The following SMAD4 variants were observed in gnomAD, a reference collection of about 807,000 sequenced individuals.
The protein encoded by SMAD4 is MAD homolog 4.
A neutral mutation model predicts 63.2 loss-of-function variants in SMAD4; 7 were observed. The ratio of observed to expected loss-of-function variants is 0.11; its 90% confidence interval spans 0.06 to 0.21. The LOEUF is 0.21. Among genes scored for constraint, SMAD4 ranks in the 10% least tolerant of loss-of-function variants. The probability of loss-of-function intolerance (pLI) is 1.00; values close to 1 mark genes in which losing one functional copy is unlikely to be tolerated. For synonymous variants in SMAD4, 215 were observed against 235.4 expected, an observed-to-expected ratio of 0.91 and a Z score of 0.79; for missense variants, 312 against 693.8, an observed-to-expected ratio of 0.45 and a Z score of 6.18.
At chr18:51,074,908 A>G (rs1340990722) in intron 10 of SMAD4, among the ~76,000 whole-genome samples, 3 of 151,664 alleles carry the variant, frequency 2.0e-5, no homozygotes, top group African/African-American at 7.3e-5. Context: ...TTTTTTGTGG[A>G]GTTGGGGTCT....
intron 10 of SMAD4, among the ~76,000 whole-genome samples, chr18:51,071,662 G>A (rs1910321132): frequency 6.6e-6 from 1 of 151,942 alleles, no homozygotes; most frequent in Non-Finnish European, 1.5e-5. Flanking sequence ...CATTTAAATT[G>A]GACAATTCAA....
At position 51,079,716 on chromosome 18, in the gene SMAD4, C is replaced by T. The variant is rs1910562720; in HGVS notation, c.*1249C>T. On this transcript the variant is annotated 3_prime_UTR_variant, in exon 12 of 12. Transcript: ENST00000342988. ...AGTTGCAGATGTATTGACTGTACCA[C>T]AGACACAATATGTATGCTTTTTACC... 4.3e-6 allele frequency: 1 copy of T among 233,284 alleles called. No individual in the cohort carries two copies. 14.5% of individuals were successfully genotyped at this position (233,284 alleles called of 1,614,324 possible).
At chr18:51,031,284 T>A (rs1181239124) in intron 1 of SMAD4, among the ~76,000 whole-genome samples, 1 of 152,182 alleles carries the variant, frequency 6.6e-6, no homozygotes, top group Non-Finnish European at 1.5e-5. Flanking sequence ...GGGCGGTGGC[T>A]CCATCACTTG....
rs760239719 is a variant in SMAD4 at position 51,080,517 on chromosome 18, C to A, written c.*2050C>A. The A allele has an allele frequency of 4.6e-6, 1 of 216,450 alleles. No individual in the cohort carries two copies. Among genetic ancestry groups the A allele is most frequent in the Admixed American group, 5.8e-5 (1 of 17,168 alleles). 13.4% of individuals were successfully genotyped at this position (216,450 alleles called of 1,614,324 possible). A position where few individuals can be genotyped will look rare whatever the true frequency, so the allele number is the denominator to read the frequency against. ...AAAAATCCAGATGATTTGATTAAAA[C>A]CTTAATCATACATTGACATAATTCA... On this transcript the variant is annotated 3_prime_UTR_variant, in exon 12 of 12. Coordinates refer to ENST00000342988, the MANE Select transcript of SMAD4 (RefSeq NM_005359.6).
chr18:51,062,843 C>G, intron 8 of SMAD4, among the ~76,000 whole-genome samples: 1 of 122,902 alleles, frequency 8.1e-6, no homozygotes, highest in East Asian at 2.5e-4. Flanking sequence ...AGTAATCTGG[C>G]TTTACTTGTT....
At chr18:51,053,565 C>T (rs553482208) in intron 4 of SMAD4, 3 of 152,068 alleles carry the variant, frequency 2.0e-5, no homozygotes, top group Non-Finnish European at 4.4e-5. Context: ...AGAATATCAT[C>T]TTCATGACTT....
At position 51,059,958 on chromosome 18, in the gene SMAD4, T is replaced by A. The variant is rs758408803; in HGVS notation, c.955+42T>A. Reference sequence around the variant, plus strand: ...ATTGATTTCCTGTATTTAGATTGATTTAGTGGTGATTGAAACGCACAAACA... The same window carrying A: ...ATTGATTTCCTGTATTTAGATTGATATAGTGGTGATTGAAACGCACAAACA... On this transcript the variant is annotated intron_variant, in intron 8 of 11. Coordinates refer to ENST00000342988, the MANE Select transcript of SMAD4 (RefSeq NM_005359.6). 6.3e-5 allele frequency: 93 copies of A among 1,465,456 alleles called. No individual in the cohort carries two copies. The East Asian group carries it at 2.1e-3, about 33-fold the overall frequency. The allele number at this position is 1,465,456 out of a possible 1,614,324, so 90.8% of individuals were successfully genotyped here.
At chr18:51,035,727 A>G (rs1207304620) in intron 1 of SMAD4, among the ~76,000 whole-genome samples, 4 of 152,192 alleles carry the variant, frequency 2.6e-5, no homozygotes, top group Non-Finnish European at 5.9e-5. Flanking sequence ...GTACTTCTGT[A>G]GAGATCATCT....
chr18:51,061,706 T>C (rs1267096694), intron 8 of SMAD4, among the ~76,000 whole-genome samples: 1 of 152,228 alleles, frequency 6.6e-6, no homozygotes, highest in Non-Finnish European at 1.5e-5. Context: ...CTTCATTCTA[T>C]ATTATTTTGA....
chr18:51,036,879 C>T (rs565960325), intron 1 of SMAD4, among the ~76,000 whole-genome samples: 4 of 152,264 alleles, frequency 2.6e-5, no homozygotes, highest in East Asian at 3.9e-4. Flanking sequence ...GAAATGAGGC[C>T]GGGTGCGGTG....
intron 8 of SMAD4, among the ~76,000 whole-genome samples, chr18:51,065,153 T>C (rs1475236641): frequency 6.6e-6 from 1 of 152,160 alleles, no homozygotes; most frequent in Non-Finnish European, 1.5e-5. Flanking sequence ...AAAATGACTT[T>C]TAGAACTTGA....
intron 10 of SMAD4, among the ~76,000 whole-genome samples, chr18:51,075,648 C>T (rs1264229254): frequency 6.6e-6 from 1 of 151,952 alleles, no homozygotes; most frequent in Non-Finnish European, 1.5e-5. Context: ...GATTTATTAT[C>T]TGTAATTTGT....
intron 4 of SMAD4, chr18:51,054,257 A>G (rs1217222391): frequency 6.0e-6 from 1 of 165,396 alleles, no homozygotes; most frequent in Non-Finnish European, 1.3e-5. Context: ...CATTCAGTAC[A>G]CTTCATTTTT....
chr18:51,035,465 C>T (rs1003986684), intron 1 of SMAD4, among the ~76,000 whole-genome samples: 4 of 151,936 alleles, frequency 2.6e-5, no homozygotes, highest in African/African-American at 9.7e-5. Context: ...TCACTTGAGC[C>T]CAGGATTTCA....
At position 51,046,976 on chromosome 18, in the gene SMAD4, C is replaced by A. The variant is rs2144399685; in HGVS notation, c.-71C>A. The A allele has an allele frequency of 1.4e-6, 2 of 1,437,686 alleles. No individual in the cohort carries two copies. The highest frequency in any genetic ancestry group is 2.0e-6 in the Non-Finnish European group (2 of 1,024,118). The allele number at this position is 1,437,686 out of a possible 1,614,324, so 89.1% of individuals were successfully genotyped here. A position where few individuals can be genotyped will look rare whatever the true frequency, so the allele number is the denominator to read the frequency against. The stretch of plus-strand genomic sequence containing the variant: ...TTGCAACGTTAGCTGTTGTTTTTCA[C>A]TGTTTCCAAAGGATCAAAATTGCTT... On this transcript the variant is annotated 5_prime_UTR_variant, in exon 2 of 12. In the 5' UTR this introduces an upstream ATG that the reference lacks. Coordinates refer to ENST00000342988, the MANE Select transcript of SMAD4 (RefSeq NM_005359.6).
At chr18:51,060,030 C>A in intron 8 of SMAD4, 114 bp downstream of exon 8, 1 of 771,140 alleles carries the variant, frequency 1.3e-6, no homozygotes, top group Non-Finnish European at 2.3e-6. Context: ...GAGTACAATA[C>A]TCATCATGAC....
intron 1 of SMAD4, 55 bp downstream of exon 1, chr18:51,030,678 G>C (rs544505533): frequency 1.7e-4 from 26 of 150,640 alleles, no homozygotes; most frequent in African/African-American, 6.1e-4. Flanking sequence ...CACCCCGCCT[G>C]TGGCTTCCCC....
chr18:51,040,191 C>T (rs1909332486), intron 1 of SMAD4, among the ~76,000 whole-genome samples: 1 of 152,060 alleles, frequency 6.6e-6, no homozygotes, highest in African/African-American at 2.4e-5. Flanking sequence ...CTTTGGGAGG[C>T]CAAGGCGGGC....
rs764693044 is a variant in SMAD4, at chr18:51,078,916, CT to C, written c.*451del. ...GTACAAGTTGTTATTGTTGAACATA[CT>C]TCAAAAATAATGTGCCATGTGGGTG... is the stretch of plus-strand genomic sequence containing the variant. On this transcript the variant is annotated 3_prime_UTR_variant, in exon 12 of 12. Coordinates refer to ENST00000342988, the MANE Select transcript of SMAD4 (RefSeq NM_005359.6). The C allele has an allele frequency of 2.1e-5, 5 of 237,352 alleles. No individual in the cohort carries two copies. Among genetic ancestry groups the C allele is most frequent in the Non-Finnish European group, 3.3e-5 (4 of 120,554 alleles). 14.7% of individuals were successfully genotyped at this position (237,352 alleles called of 1,614,324 possible).
Sources: gnomAD v4.1 joint callset for allele counts (sites outside exome capture counted in the v4.1 genomes callset) on GRCh38, gnomAD v4.1.1 for gene constraint, MANE v1.5 for transcripts, NCBI Gene and HGNC (gene_info 2026-07-23, HGNC 2026-07-21) for gene names.